PGLYRP4: variants seen among roughly 807,000 people sequenced by gnomAD.
The protein encoded by PGLYRP4 is peptidoglycan recognition protein 4.
Under a neutral mutation model 41.2 loss-of-function variants are expected in PGLYRP4, and 39 were observed. That is an observed-to-expected ratio of 0.95 (90% CI 0.73 to 1.24). The LOEUF is 1.24. PGLYRP4 is among the 50% of genes most tolerant of loss of function. PGLYRP4 has a pLI of 0.00. For synonymous variants in PGLYRP4, 202 were observed against 186.8 expected (o/e 1.08, Z -0.66); for missense variants, 467 against 460.7 (o/e 1.01, Z -0.13).
At chr1:153,333,916 T>TA (rs1343658330) in intron 8 of PGLYRP4, among the ~76,000 whole-genome samples, 2 of 152,044 alleles carry the variant, frequency 1.3e-5, no homozygotes, top group Non-Finnish European at 2.9e-5. Context: ...TACCTCAGAA[T>TA]AAAAAATCCG....
chr1:153,347,594 G>A (rs190799823), intron 2 of PGLYRP4, among the ~76,000 whole-genome samples: 130 of 152,224 alleles, frequency 8.5e-4, no homozygotes, highest in Middle Eastern at 6.8e-3. Flanking sequence ...GGATGGTCTC[G>A]ATCTCTTAAC....
intron 5 of PGLYRP4, among the ~76,000 whole-genome samples, chr1:153,342,165 G>A (rs1421334002): frequency 6.6e-6 from 1 of 152,182 alleles, no homozygotes; most frequent in Admixed American, 6.5e-5. Flanking sequence ...TCTGAGAGAT[G>A]CTATTATTAA....
intron 8 of PGLYRP4, among the ~76,000 whole-genome samples, chr1:153,332,939 T>C (rs993048067): frequency 3.9e-5 from 5 of 128,116 alleles, no homozygotes; most frequent in African/African-American, 1.4e-4. Context: ...TAGAAAGGTC[T>C]CAAATTAACA....
At chr1:153,345,499 G>A in intron 3 of PGLYRP4, 117 bp from the exon 4 acceptor site, 2 of 846,548 alleles carry the variant, frequency 2.4e-6, no homozygotes, top group Admixed American at 1.9e-5. Context: ...CAGCAGGCAG[G>A]TGCACCTGCC....
chr1:153,345,613 C>T (rs940013707), intron 3 of PGLYRP4, among the ~76,000 whole-genome samples: 3 of 152,184 alleles, frequency 2.0e-5, no homozygotes, highest in African/African-American at 7.2e-5. Context: ...ATAATGTCCC[C>T]TACTCATCTC....
chr1:153,343,874 G>A (rs947248466), intron 4 of PGLYRP4, among the ~76,000 whole-genome samples: 1 of 152,172 alleles, frequency 6.6e-6, no homozygotes, highest in Non-Finnish European at 1.5e-5. Flanking sequence ...AGAGGGGTGG[G>A]AGGAAAGTCC....
Position 153,347,971 on chromosome 1 carries a change from A to G in PGLYRP4, c.-39T>C. 6.4e-7 allele frequency: 1 copy of G among 1,560,664 alleles called. No homozygotes were observed. Among genetic ancestry groups the G allele is most frequent in the Non-Finnish European group, 8.8e-7 (1 of 1,133,434 alleles). The stretch of plus-strand genomic sequence containing the variant: ...CAGGACACCAATCTGGAGAGTGTGG[A>G]TGGCAGCCTGAGAGAGACGCTGACA... On this transcript the variant is annotated 5_prime_UTR_variant, in exon 2 of 9. Coordinates refer to ENST00000359650, the MANE Select transcript of PGLYRP4 (RefSeq NM_020393.4).
At chr1:153,341,604 G>A in intron 6 of PGLYRP4, 23 bp downstream of exon 6, 2 of 1,599,484 alleles carry the variant, frequency 1.3e-6, no homozygotes, top group East Asian at 2.2e-5. Context: ...GGCAGGCCCA[G>A]TAGGGCTGAA....
chr1:153,346,117 G>A lies in PGLYRP4; in HGVS notation c.124C>T (p.Gln42Ter). Residue 42 changes from glutamine to a stop codon, truncating the protein, a stop_gained, in exon 3 of 9, where the codon CAG becomes TAG. Coordinates refer to ENST00000359650, the MANE Select transcript of PGLYRP4 (RefSeq NM_020393.4). LOFTEE classifies it high-confidence loss of function. ...TCCAGTTTACCTTTTTCAGTGAGCTGGGAGATGTTCTCAAATAGGTACTGG... is the reference window on the plus strand; with the variant it reads ...TCCAGTTTACCTTTTTCAGTGAGCTAGGAGATGTTCTCAAATAGGTACTGG... ...GLQYLFENIS[Q>*]LTEKGLPTDV... 6.2e-7 allele frequency: 1 copy of A among 1,612,668 alleles called. No homozygotes were observed. The highest frequency in any genetic ancestry group is 8.5e-7 in the Non-Finnish European group (1 of 1,178,654).
chr1:153,345,321 G>A lies in PGLYRP4; in HGVS notation c.201C>T (p.Gly67=). 6.2e-7 allele frequency: 1 copy of A among 1,614,202 alleles called. No homozygotes were observed. Among genetic ancestry groups the A allele is most frequent in the Non-Finnish European group, 8.5e-7 (1 of 1,180,024 alleles). Reference sequence around the variant, plus strand: ...CTGGCGTGGTCAGCTGAATACTGCAGCCAACAGCTTCTGCCCCCCATGCCT... The same window carrying A: ...CTGGCGTGGTCAGCTGAATACTGCAACCAACAGCTTCTGCCCCCCATGCCT... The part of the protein sequence containing the change: ...SRKAWGAEAV[G]CSIQLTTPVN... The change falls in exon 4 of 9, where the codon GGC becomes GGT. Residue 67 remains glycine, a synonymous_variant. Coordinates refer to ENST00000359650, the MANE Select transcript of PGLYRP4 (RefSeq NM_020393.4).
Position 153,345,368 on chromosome 1 carries a change from C to G in PGLYRP4, c.154G>C (p.Val52Leu). 1 of 1,614,138 alleles carries G rather than the reference C, an allele frequency of 6.2e-7. No individual in the cohort carries two copies. Among genetic ancestry groups the G allele is most frequent in the Non-Finnish European group, 8.5e-7 (1 of 1,180,004 alleles). Reference protein sequence around the residue: ...QLTEKGLPTDVSTTVSRKAWG... With the variant: ...QLTEKGLPTDLSTTVSRKAWG... ...GCCTTGCGAGAGACCGTGGTGGAGA[C>G]ATCTGTGGGAAGGCCTTGGGGACGT... Residue 52 changes from valine (V) to leucine (L), a missense_variant, in exon 4 of 9, where the codon GTC becomes CTC. Transcript: ENST00000359650.
Position 153,330,717 on chromosome 1 carries a change from G to C in PGLYRP4, c.*50C>G. The stretch of plus-strand genomic sequence containing the variant: ...GCCAAGCTGGATGGTTAGGACAGGA[G>C]AGACCTGACAGGGGAGGGAAAGCAG... On this transcript the variant is annotated 3_prime_UTR_variant, in exon 9 of 9. Transcript: ENST00000359650. The C allele has an allele frequency of 1.3e-6, 2 of 1,535,586 alleles. No homozygotes were observed. The highest frequency in any genetic ancestry group is 9.0e-7 in the Non-Finnish European group (1 of 1,115,688).
chr1:153,334,936 G>A lies in PGLYRP4; in HGVS notation c.943+2245C>T, dbSNP rs140361807. On this transcript the variant is annotated intron_variant, in intron 8 of 8. Transcript: ENST00000359650. ...ACAACTGATCTTTGACAAAGTTGAC[G>A]AAAACATACACCAGGGAAAGGACAC... Among the ~76,000 whole-genome samples the A allele has an allele frequency of 5.1e-3, 771 of 152,180 alleles. 7 individuals are homozygous for A. Among genetic ancestry groups the A allele is most frequent in the African/African-American group, 0.018 (745 of 41,536 alleles).
chr1:153,341,631 C>CT lies in PGLYRP4; in HGVS notation c.620dup (p.Lys208GlufsTer43). The stretch of plus-strand genomic sequence containing the variant: ...AGGGCTGAAGAAAGGTCTTACCCTT[C>CT]TTCAGGCTTGTCTTCTGCCGAGGGG... On this transcript the variant is annotated frameshift_variant, in exon 6 of 9. Transcript: ENST00000359650. LOFTEE classifies it high-confidence loss of function. The CT allele has an allele frequency of 6.2e-7, 1 of 1,611,612 alleles. No homozygotes were observed.
intron 7 of PGLYRP4, among the ~76,000 whole-genome samples, chr1:153,339,165 A>T (rs888292375): frequency 2.6e-5 from 4 of 152,196 alleles, no homozygotes; most frequent in African/African-American, 9.7e-5. Context: ...ACCTGAATGG[A>T]AAAAGGGAAA....
chr1:153,333,753 G>A (rs1660430251), intron 8 of PGLYRP4, among the ~76,000 whole-genome samples: 1 of 152,150 alleles, frequency 6.6e-6, no homozygotes, highest in Non-Finnish European at 1.5e-5. Context: ...AAGCAGAGAT[G>A]GTTCAACATA....
At chr1:153,338,196 G>A (rs1660648472) in intron 7 of PGLYRP4, among the ~76,000 whole-genome samples, 1 of 152,144 alleles carries the variant, frequency 6.6e-6, no homozygotes, top group Admixed American at 6.6e-5. Context: ...AGGAATACAG[G>A]CATCAGCCCA....
intron 8 of PGLYRP4, 38 bp from the exon 9 acceptor site, chr1:153,330,983 G>A: frequency 6.4e-7 from 1 of 1,563,492 alleles, no homozygotes; most frequent in Non-Finnish European, 8.7e-7. Context: ...CAGGATTACA[G>A]GGCACCCTGC....
rs753680950 is a variant in PGLYRP4, at chr1:153,337,309, C to G, written c.825-10G>C. On this transcript the variant is annotated splice_polypyrimidine_tract_variant and intron_variant, in intron 7 of 8. Transcript: ENST00000359650. Reference sequence around the variant, plus strand: ...CTGGCCCACCAGGAAGCTAGAGGACCACAAGGGGAGATGGAGACCAGCATG... The same window carrying G: ...CTGGCCCACCAGGAAGCTAGAGGACGACAAGGGGAGATGGAGACCAGCATG... The G allele has an allele frequency of 2.6e-6, 4 of 1,522,280 alleles. No homozygotes were observed. Among genetic ancestry groups the G allele is most frequent in the Non-Finnish European group, 3.6e-6 (4 of 1,109,824 alleles). 94.3% of individuals were successfully genotyped at this position (1,522,280 alleles called of 1,614,324 possible).
Sources: allele counts gnomAD v4.1 joint callset (sites outside exome capture counted in the v4.1 genomes callset), GRCh38; gene constraint gnomAD v4.1.1; transcripts MANE v1.5; gene names NCBI Gene and HGNC (gene_info 2026-07-23, HGNC 2026-07-21).